Variants in MBD5 observed in about 807,000 individuals in gnomAD.
MBD5 encodes the protein methyl-CpG binding domain protein 5.
MBD5 carries 13 observed loss-of-function variants against 117.3 expected under a neutral mutation model. The observed-to-expected ratio is 0.11, with a 90% CI of 0.07 to 0.18. The LOEUF (loss-of-function observed/expected upper bound fraction) is 0.18, where lower values mean the gene tolerates loss of function less well. Ranked by LOEUF, MBD5 falls within the 10% of genes least tolerant of loss-of-function variation. MBD5 has a pLI of 1.00. For missense variants in MBD5, 1,879 were observed against 2,093.8 expected (o/e 0.90, Z 2.00); for synonymous variants, 727 against 766.4 (o/e 0.95, Z 0.85).
chr2:148,318,699 T>C (rs955060180), intron 3 of MBD5, among the ~76,000 whole-genome samples: 6 of 152,124 alleles, frequency 3.9e-5, no homozygotes, highest in Admixed American at 6.5e-5. Context: ...CCTTGTTGAA[T>C]AGGATGTACT....
At chr2:148,391,492 A>G (rs1704571651) in intron 4 of MBD5, among the ~76,000 whole-genome samples, 1 of 152,144 alleles carries the variant, frequency 6.6e-6, no homozygotes, top group African/African-American at 2.4e-5. Flanking sequence ...TATTACTTAA[A>G]TCTTTTTCCT....
chr2:148,279,593 G>A (rs1451287382), intron 3 of MBD5, among the ~76,000 whole-genome samples: 1 of 152,154 alleles, frequency 6.6e-6, no homozygotes, highest in African/African-American at 2.4e-5. Context: ...TCACAGTATT[G>A]CTTTGCTACT....
chr2:148,401,189 A>G (rs897029357), intron 4 of MBD5, among the ~76,000 whole-genome samples: 1 of 152,158 alleles, frequency 6.6e-6, no homozygotes, highest in Admixed American at 6.5e-5. Context: ...TTAGTCTGAC[A>G]TGTCTTGTTC....
At chr2:148,300,095 CCCAG>C in intron 3 of MBD5, among the ~76,000 whole-genome samples, 1 of 151,936 alleles carries the variant, frequency 6.6e-6, no homozygotes, top group African/African-American at 2.4e-5. Context: ...ACTCTTGTTG[CCCAG>C]GCTGGAGTGC....
chr2:148,234,912 T>C (rs970174929), intron 3 of MBD5, among the ~76,000 whole-genome samples: 2 of 152,172 alleles, frequency 1.3e-5, no homozygotes, highest in African/African-American at 2.4e-5. Context: ...TAAAAATTGA[T>C]CATTGTTTAA....
At position 148,458,652 on chromosome 2, in the gene MBD5, G is replaced by T; in HGVS notation, c.-107G>T. ...TCCCAATGCGTTTTGTACAGTCTGG[G>T]AAAAACTGTGCTGCACTGGCCCACT... On this transcript the variant is annotated 5_prime_UTR_variant, in exon 5 of 14. Coordinates refer to ENST00000642680, the MANE Select transcript of MBD5 (RefSeq NM_001378120.1). 1 of 931,870 alleles carries T rather than the reference G, an allele frequency of 1.1e-6. No individual in the cohort carries two copies. The allele number at this position is 931,870 out of a possible 1,614,324, so 57.7% of individuals were successfully genotyped here.
rs542371152 is a variant in MBD5, at chr2:148,328,880, C to A, written c.-679-13334C>A. The stretch of plus-strand genomic sequence containing the variant: ...CATATATATCTTTTTAGATCAGAAA[C>A]AACAGGGCATCTTTAATTAAAGTTA... On this transcript the variant is annotated intron_variant, in intron 3 of 13. Transcript: ENST00000642680. 3.3e-5 allele frequency among the ~76,000 whole-genome samples: 5 copies of A among 152,292 alleles called. No individual in the cohort carries two copies. In the East Asian group the frequency reaches 5.8e-4, roughly 18 times the overall value.
intron 1 of MBD5, among the ~76,000 whole-genome samples, chr2:148,070,328 A>G (rs1346641649): frequency 6.6e-6 from 1 of 152,190 alleles, no homozygotes; most frequent in Admixed American, 6.5e-5. Context: ...GTGCTATGTG[A>G]TAGTAGACAT....
At chr2:148,257,657 A>G (rs1283445415) in intron 3 of MBD5, among the ~76,000 whole-genome samples, 1 of 152,342 alleles carries the variant, frequency 6.6e-6, no homozygotes, top group South Asian at 2.1e-4. Context: ...ATATAATGGA[A>G]TAGGTGGACC....
chr2:148,206,949 T>C (rs1470272805), intron 2 of MBD5, among the ~76,000 whole-genome samples: 1 of 152,248 alleles, frequency 6.6e-6, no homozygotes, highest in African/African-American at 2.4e-5. Flanking sequence ...CAGGTTCAGC[T>C]GCTTGCTGTT....
chr2:148,500,241 AT>A (rs1037122284), intron 11 of MBD5, among the ~76,000 whole-genome samples: 53 of 151,974 alleles, frequency 3.5e-4, no homozygotes, highest in African/African-American at 1.2e-3. Context: ...TTTGACCTAA[AT>A]TTTTGAGTGT....
rs2105642607 is a variant in MBD5, at chr2:148,470,340, G to A, written c.2397G>A (p.Ser799=). 4.3e-6 allele frequency: 7 copies of A among 1,613,838 alleles called. 1 individual carries two copies. In the South Asian group the frequency reaches 5.5e-5, roughly 13 times the overall value. The change falls in exon 8 of 14, where the codon TCG becomes TCA. Residue 799 remains serine, a synonymous_variant. Transcript: ENST00000642680. The stretch of plus-strand genomic sequence containing the variant: ...GGAACTGTGGGATGCTCAGTCAGTC[G>A]GGCATGGCTTTAGGAAATTCCTTAC... The part of the protein sequence containing the change: ...ASGNCGMLSQ[S]GMALGNSLHP...
At chr2:148,315,836 A>G (rs1702143957) in intron 3 of MBD5, among the ~76,000 whole-genome samples, 1 of 152,158 alleles carries the variant, frequency 6.6e-6, no homozygotes, top group Non-Finnish European at 1.5e-5. Flanking sequence ...CTTCGTGCTA[A>G]TCTTCAAGAC....
intron 3 of MBD5, among the ~76,000 whole-genome samples, chr2:148,265,704 G>A (rs573916861): frequency 6.6e-5 from 10 of 152,150 alleles, no homozygotes; most frequent in Admixed American, 3.3e-4. Context: ...GCATAAATAT[G>A]TACATTTTGC....
chr2:148,155,896 C>T (rs1340581519), intron 1 of MBD5, among the ~76,000 whole-genome samples: 1 of 152,206 alleles, frequency 6.6e-6, no homozygotes, highest in African/African-American at 2.4e-5. Flanking sequence ...AGTGCGAACT[C>T]TCCAGAGTAA....
intron 1 of MBD5, among the ~76,000 whole-genome samples, chr2:148,087,727 G>T (rs1452205506): frequency 1.3e-5 from 2 of 152,176 alleles, no homozygotes; most frequent in Non-Finnish European, 2.9e-5. Flanking sequence ...CAGCACTCTA[G>T]TTCCACATTT....
intron 3 of MBD5, among the ~76,000 whole-genome samples, chr2:148,276,384 A>G (rs544862819): frequency 6.6e-6 from 1 of 152,342 alleles, no homozygotes; most frequent in South Asian, 2.1e-4. Context: ...ATTTGTAAAC[A>G]TACTATAATT....
chr2:148,409,487 T>C (rs1209225186), intron 4 of MBD5, among the ~76,000 whole-genome samples: 3 of 152,004 alleles, frequency 2.0e-5, no homozygotes, highest in Non-Finnish European at 4.4e-5. Flanking sequence ...GGATTGATTT[T>C]TTTCTAAGTA....
At position 148,469,015 on chromosome 2, in the gene MBD5, C is replaced by G. The variant is rs1466233766; in HGVS notation, c.1072C>G (p.Leu358Val). The G allele has an allele frequency of 6.2e-7, 1 of 1,613,934 alleles. No individual in the cohort carries two copies. Among genetic ancestry groups the G allele is most frequent in the Non-Finnish European group, 8.5e-7 (1 of 1,179,934 alleles). The change falls in exon 8 of 14, where the codon CTT becomes GTT. Residue 358 changes from leucine to valine, a missense_variant. Around this residue, in one of 4 missense-constraint regions of MBD5, gnomAD observed 1,666 missense variants for 1,792.2 expected, o/e 0.93. Coordinates refer to ENST00000642680, the MANE Select transcript of MBD5 (RefSeq NM_001378120.1). The stretch of plus-strand genomic sequence containing the variant: ...GCCATTAACATCTGAGAAAGATCCA[C>G]TTGGCATTCTTGACCCTATTCCTAG... ...KKPLTSEKDP[L>V]GILDPIPSKP...
Sources: allele counts gnomAD v4.1 joint callset (sites outside exome capture counted in the v4.1 genomes callset), GRCh38; gene constraint gnomAD v4.1.1; regional missense constraint gnomAD v4.1.1; transcripts MANE v1.5; gene names NCBI Gene and HGNC (gene_info 2026-07-23, HGNC 2026-07-21).